Variants in AKAP6 observed in about 807,000 individuals in gnomAD.
The protein encoded by AKAP6 is A-kinase anchor protein 6.
AKAP6 carries 58 observed loss-of-function variants against 188.5 expected under a neutral mutation model. The ratio of observed to expected loss-of-function variants is 0.31; its 90% CI spans 0.25 to 0.38. The LOEUF (loss-of-function observed/expected upper bound fraction) is 0.38, where lower values mean the gene tolerates loss of function less well. AKAP6 is among the 10% of genes least tolerant of loss of function. AKAP6 has a pLI of 1.00. For synonymous variants in AKAP6, 989 were observed against 998.6 expected (o/e 0.99, Z 0.18); for missense variants, 2,710 against 2,740.0 (o/e 0.99, Z 0.24).
intron 11 of AKAP6, among the ~76,000 whole-genome samples, chr14:32,770,317 T>C (rs2139981460): frequency 6.6e-6 from 1 of 152,278 alleles, no homozygotes; most frequent in East Asian, 1.9e-4. Context: ...CTAAAGATTA[T>C]CAAATTATAG....
chr14:32,725,002 A>AC (rs2030780045), intron 9 of AKAP6, among the ~76,000 whole-genome samples: 3 of 148,826 alleles, frequency 2.0e-5, no homozygotes, highest in African/African-American at 7.4e-5. Context: ...AAAAAAAAAA[A>AC]AAAAAAAAAA....
At chr14:32,623,084 T>C (rs1471573975) in intron 7 of AKAP6, among the ~76,000 whole-genome samples, 1 of 152,108 alleles carries the variant, frequency 6.6e-6, no homozygotes, top group African/African-American at 2.4e-5. Context: ...TTCTCTTCAG[T>C]GCTAAAATAC....
intron 6 of AKAP6, 79 bp from the exon 7 acceptor site, chr14:32,600,550 A>G (rs1885882276): frequency 3.6e-6 from 5 of 1,376,698 alleles, no homozygotes; most frequent in Non-Finnish European, 4.8e-6. Context: ...TAAAATAGCC[A>G]TCTAATTTAC....
chr14:32,652,808 T>A (rs1340956972), intron 7 of AKAP6, among the ~76,000 whole-genome samples: 3 of 152,174 alleles, frequency 2.0e-5, no homozygotes, highest in African/African-American at 7.2e-5. Flanking sequence ...ATCCCAACAC[T>A]TTGGGAGGCC....
At chr14:32,361,732 T>G (rs58625904) in intron 1 of AKAP6, among the ~76,000 whole-genome samples, 1 of 152,222 alleles carries the variant, frequency 6.6e-6, no homozygotes, top group Admixed American at 6.5e-5. Flanking sequence ...CAGAGCTCAC[T>G]TGGGCTACAG....
chr14:32,604,223 A>G (rs1037017644), intron 7 of AKAP6, among the ~76,000 whole-genome samples: 1 of 152,276 alleles, frequency 6.6e-6, no homozygotes, highest in African/African-American at 2.4e-5. Context: ...TGCACAGCAT[A>G]GTGCATCTAA....
intron 7 of AKAP6, among the ~76,000 whole-genome samples, chr14:32,649,954 C>T (rs1349595067): frequency 3.3e-5 from 5 of 152,170 alleles, no homozygotes; most frequent in Admixed American, 6.5e-5. Flanking sequence ...ACACACTGCT[C>T]ATATTTTATA....
At chr14:32,461,921 C>A (rs1262287752) in intron 2 of AKAP6, among the ~76,000 whole-genome samples, 3 of 151,674 alleles carry the variant, frequency 2.0e-5, no homozygotes, top group African/African-American at 7.3e-5. Flanking sequence ...AGCATGAGAA[C>A]TTCGTGAAGC....
chr14:32,501,755 C>T (rs1183845849), intron 2 of AKAP6, among the ~76,000 whole-genome samples: 2 of 152,118 alleles, frequency 1.3e-5, no homozygotes, highest in African/African-American at 4.8e-5. Context: ...GATATTTCTT[C>T]CATCAGACTG....
Position 32,821,525 on chromosome 14 carries a change from C to T in AKAP6, c.3712C>T (p.Leu1238Phe). The T allele has an allele frequency of 1.2e-6, 2 of 1,613,692 alleles. No homozygotes were observed. Among genetic ancestry groups the T allele is most frequent in the Non-Finnish European group, 1.7e-6 (2 of 1,179,818 alleles). ...TAGTTTGAATGAGGAATCAAATGAC[C>T]TTGATCAAGAACTCCAACCTGTTAT... ...LISLNEESND[L>F]DQELQPVIPS... is the part of the protein sequence containing the mutation. The change falls in exon 13 of 14, where the codon CTT becomes TTT. Residue 1238 changes from leucine to phenylalanine, a missense_variant. Leu to Phe is a conservative substitution (Grantham distance 22). Transcript: ENST00000280979.
Position 32,762,028 on chromosome 14 carries a change from G to A in AKAP6, c.3373-11650G>A, listed in dbSNP as rs562970090. Among the ~76,000 whole-genome samples, 10 of 152,152 alleles carry A rather than the reference G, an allele frequency of 6.6e-5. No homozygotes were observed. In the East Asian group the frequency reaches 1.7e-3, roughly 26 times the overall value. ...AAATATAATAATATAAAAATAAATG[G>A]CAATTAATGCTTATCTGCTTAGGAA... On this transcript the variant is annotated intron_variant, in intron 11 of 13. Coordinates refer to ENST00000280979, the MANE Select transcript of AKAP6 (RefSeq NM_004274.5).
intron 2 of AKAP6, among the ~76,000 whole-genome samples, chr14:32,440,477 T>TA (rs926615854): frequency 2.0e-3 from 294 of 146,572 alleles, no homozygotes; most frequent in East Asian, 0.01. Context: ...CTTAAAGTAT[T>TA]AAAAAAAAAA....
chr14:32,694,624 A>C (rs921928405), intron 8 of AKAP6, among the ~76,000 whole-genome samples: 40 of 152,276 alleles, frequency 2.6e-4, no homozygotes, highest in African/African-American at 9.1e-4. Flanking sequence ...CATGTTAGCC[A>C]ATGTTGATGC....
At chr14:32,527,314 T>C (rs956976379) in intron 2 of AKAP6, among the ~76,000 whole-genome samples, 3 of 152,196 alleles carry the variant, frequency 2.0e-5, no homozygotes, top group Admixed American at 1.3e-4. Flanking sequence ...TGTCTAGATA[T>C]ACCAAAGTTT....
chr14:32,379,805 A>C (rs1888287239), intron 1 of AKAP6, among the ~76,000 whole-genome samples: 1 of 152,146 alleles, frequency 6.6e-6, no homozygotes, highest in Admixed American at 6.5e-5. Context: ...TCTAGCTTCC[A>C]TCTAGCCTGA....
intron 11 of AKAP6, 47 bp from the exon 12 acceptor site, chr14:32,773,631 A>G (rs762246260): frequency 6.5e-7 from 1 of 1,532,830 alleles, no homozygotes; most frequent in Non-Finnish European, 8.9e-7. Flanking sequence ...GTTTTAGGGA[A>G]CTCTGCCCTA....
chr14:32,594,613 T>C (rs913489048), intron 5 of AKAP6, among the ~76,000 whole-genome samples: 6 of 152,032 alleles, frequency 3.9e-5, no homozygotes, highest in African/African-American at 1.5e-4. Flanking sequence ...GGCTTTCTTC[T>C]CCCCCAGGAG....
At chr14:32,717,178 G>A (rs1231282822) in intron 9 of AKAP6, among the ~76,000 whole-genome samples, 1 of 152,060 alleles carries the variant, frequency 6.6e-6, no homozygotes, top group Non-Finnish European at 1.5e-5. Context: ...AAAATCACAT[G>A]TTTTGGTACT....
chr14:32,662,507 G>A (rs146945059), intron 7 of AKAP6, among the ~76,000 whole-genome samples: 8 of 152,152 alleles, frequency 5.3e-5, no homozygotes, highest in East Asian at 1.9e-4. Flanking sequence ...TTGTCTCCTC[G>A]TGGTGTGTCT....
Sources: gnomAD v4.1 joint callset for allele counts (sites outside exome capture counted in the v4.1 genomes callset) on GRCh38, gnomAD v4.1.1 for gene constraint, MANE v1.5 for transcripts, NCBI Gene and HGNC (gene_info 2026-07-23, HGNC 2026-07-21) for gene names.